TTC39C: variants seen among roughly 807,000 people sequenced by gnomAD.
TTC39C encodes the protein tetratricopeptide repeat domain 39C, also known as tetratricopeptide repeat protein 39C.
In TTC39C, 33 loss-of-function variants were observed where a neutral mutation model predicts 76.3. That is an observed-to-expected ratio of 0.43 (90% CI 0.33 to 0.58). TTC39C has a LOEUF of 0.58. Among genes scored for constraint, TTC39C ranks in the 20% least tolerant of loss-of-function variants. The pLI is 0.04. For synonymous variants in TTC39C, 254 were observed against 260.6 expected (o/e 0.97, Z 0.24); for missense variants, 595 against 701.4 (o/e 0.85, Z 1.71).
At chr18:24,060,587 C>T (rs1234931167) in intron 1 of TTC39C, among the ~76,000 whole-genome samples, 5 of 152,086 alleles carry the variant, frequency 3.3e-5, no homozygotes, top group African/African-American at 9.7e-5. Flanking sequence ...GGATTACAGG[C>T]GTGAGCCACT....
At chr18:24,071,339 C>T (rs756846864) in intron 4 of TTC39C, among the ~76,000 whole-genome samples, 9 of 152,194 alleles carry the variant, frequency 5.9e-5, no homozygotes, top group Non-Finnish European at 1.3e-4. Flanking sequence ...TAAGCAAACA[C>T]AGGCCTAGTC....
intron 6 of TTC39C, among the ~76,000 whole-genome samples, chr18:24,086,294 C>T (rs1279965573): frequency 6.6e-6 from 1 of 152,162 alleles, no homozygotes; most frequent in Non-Finnish European, 1.5e-5. Flanking sequence ...TGAACAGCTG[C>T]TTTTGTGTAA....
At chr18:24,010,416 C>A (rs1055084320), upstream of TTC39C, among the ~76,000 whole-genome samples, 1 of 152,194 alleles carries the variant, frequency 6.6e-6, no homozygotes, top group African/African-American at 2.4e-5. Context: ...CGTAAGAAGG[C>A]AGCTTTAGGC....
chr18:24,094,031 C>T (rs2084559583), intron 6 of TTC39C, among the ~76,000 whole-genome samples: 1 of 152,204 alleles, frequency 6.6e-6, no homozygotes, highest in African/African-American at 2.4e-5. Flanking sequence ...ATTTTACCTA[C>T]AGTAGGACTT....
At chr18:24,011,141 C>T (rs1373231351), upstream of TTC39C, among the ~76,000 whole-genome samples, 1 of 152,182 alleles carries the variant, frequency 6.6e-6, no homozygotes, top group African/African-American at 2.4e-5. Context: ...ACATCCATTC[C>T]CTACCTCTCT....
intron 1 of TTC39C, among the ~76,000 whole-genome samples, chr18:24,042,564 G>T (rs1394563872): frequency 6.6e-6 from 1 of 152,188 alleles, no homozygotes; most frequent in Non-Finnish European, 1.5e-5. Flanking sequence ...CGACCCAGGG[G>T]TTGGGAACCC....
At chr18:24,057,566 A>G (rs1358526316) in intron 1 of TTC39C, among the ~76,000 whole-genome samples, 1 of 152,148 alleles carries the variant, frequency 6.6e-6, no homozygotes. Flanking sequence ...CATCTAGGAT[A>G]TACTCTTTTG....
intron 4 of TTC39C, among the ~76,000 whole-genome samples, chr18:24,073,107 T>G (rs2084261334): frequency 6.6e-6 from 1 of 152,200 alleles, no homozygotes; most frequent in South Asian, 2.1e-4. Flanking sequence ...CTTGGGACCT[T>G]CTCCCTCAGG....
At chr18:24,119,551 T>C (rs915810028) in intron 8 of TTC39C, among the ~76,000 whole-genome samples, 11 of 152,314 alleles carry the variant, frequency 7.2e-5, no homozygotes, top group Non-Finnish European at 1.6e-4. Context: ...CATCGGTCCA[T>C]TAGCAAATGG....
chr18:24,093,261 C>T (rs1408983208), intron 6 of TTC39C, among the ~76,000 whole-genome samples: 3 of 152,072 alleles, frequency 2.0e-5, no homozygotes, highest in Non-Finnish European at 4.4e-5. Context: ...GGGCAGATCA[C>T]GAGGTCAGGA....
In TTC39C at chr18:24,066,279, T is replaced by C. The variant is rs988011953; in HGVS notation, c.345+139T>C. 8.5e-6 allele frequency: 10 copies of C among 1,181,032 alleles called. No homozygotes were observed. In the African/African-American group the frequency reaches 1.5e-4, roughly 18 times the overall value. 73.2% of individuals were successfully genotyped at this position (1,181,032 alleles called of 1,614,324 possible). ...AAACCACAATGTTTCTTATGGTTTT[T>C]GGTTATATAAAATGTTATCTCTTAT... On this transcript the variant is annotated intron_variant, in intron 3 of 13. Transcript: ENST00000317571.
intron 1 of TTC39C, among the ~76,000 whole-genome samples, chr18:24,044,902 C>G (rs1414137043): frequency 6.6e-6 from 1 of 152,132 alleles, no homozygotes; most frequent in Non-Finnish European, 1.5e-5. Context: ...CTAACAGCAC[C>G]ACTGAGACCT....
intron 1 of TTC39C, among the ~76,000 whole-genome samples, chr18:24,053,820 T>C (rs546472832): frequency 6.6e-6 from 1 of 152,358 alleles, no homozygotes; most frequent in African/African-American, 2.4e-5. Flanking sequence ...TCAAAGCACA[T>C]ATTTTTAGTT....
intron 3 of TTC39C, 98 bp downstream of exon 3, chr18:24,066,238 T>G: frequency 1.4e-6 from 2 of 1,442,964 alleles, no homozygotes; most frequent in Non-Finnish European, 1.9e-6. Flanking sequence ...GTTTTAGTAT[T>G]TAGAATATGA....
At chr18:24,076,129 A>G (rs1380283241) in intron 4 of TTC39C, among the ~76,000 whole-genome samples, 5 of 152,156 alleles carry the variant, frequency 3.3e-5, no homozygotes, top group Non-Finnish European at 1.5e-5. Context: ...GGCACCTGCC[A>G]CCAAGCCCGG....
At chr18:23,994,662 G>A (rs1257378687) in intron 1 of TTC39C, among the ~76,000 whole-genome samples, 1 of 152,136 alleles carries the variant, frequency 6.6e-6, no homozygotes, top group Admixed American at 6.5e-5. Flanking sequence ...TGCACCCAAC[G>A]TTAACACTCA....
intron 1 of TTC39C, among the ~76,000 whole-genome samples, chr18:24,035,425 C>T (rs2083719673): frequency 6.6e-6 from 1 of 152,168 alleles, no homozygotes; most frequent in South Asian, 2.1e-4. Context: ...ACAAGGGTTC[C>T]AGTTTTTCCA....
intron 1 of TTC39C, among the ~76,000 whole-genome samples, chr18:24,063,530 T>TG (rs397970322): frequency 1.3e-5 from 2 of 151,208 alleles, no homozygotes; most frequent in Non-Finnish European, 3.0e-5. Context: ...TTTTTTTTTT[T>TG]GAGACAGAGT....
chr18:24,109,877 A>C (rs896069957), intron 6 of TTC39C, among the ~76,000 whole-genome samples: 2 of 152,030 alleles, frequency 1.3e-5, no homozygotes, highest in African/African-American at 4.8e-5. Flanking sequence ...CTGGTGGTGC[A>C]CACCTGTAAT....
Sources: gnomAD v4.1 joint callset for allele counts (sites outside exome capture counted in the v4.1 genomes callset) on GRCh38, gnomAD v4.1.1 for gene constraint, MANE v1.5 for transcripts, NCBI Gene and HGNC (gene_info 2026-07-23, HGNC 2026-07-21) for gene names.